SLC10A7: variants seen among roughly 807,000 people sequenced by gnomAD.
SLC10A7 encodes sodium/bile acid cotransporter 7.
Under a neutral mutation model 43.2 loss-of-function variants are expected in SLC10A7, and 29 were observed. The observed-to-expected ratio is 0.67, with a 90% CI of 0.50 to 0.92. SLC10A7 has a LOEUF of 0.92. Among genes scored for constraint, SLC10A7 ranks in the 40% least tolerant of loss-of-function variants. The pLI is 0.00. For missense variants in SLC10A7, 295 were observed against 403.2 expected, an observed-to-expected ratio of 0.73 and a Z score of 2.30; for synonymous variants, 152 against 144.8, an observed-to-expected ratio of 1.05 and a Z score of -0.35.
intron 5 of SLC10A7, among the ~76,000 whole-genome samples, chr4:146,426,092 C>T (rs1035439432): frequency 1.3e-5 from 2 of 152,172 alleles, no homozygotes; most frequent in Non-Finnish European, 2.9e-5. Context: ...TAATGTGAGT[C>T]TATTCCTGCA....
At chr4:146,326,160 A>G (rs573868642) in intron 5 of SLC10A7, among the ~76,000 whole-genome samples, 164 bp from the exon 6 acceptor site, 3 of 152,336 alleles carry the variant, frequency 2.0e-5, no homozygotes, top group East Asian at 1.9e-4. Context: ...TTTCTCTTCC[A>G]TAATAACATC....
intron 4 of SLC10A7, among the ~76,000 whole-genome samples, chr4:146,465,755 G>A (rs1194853637): frequency 6.6e-6 from 1 of 152,124 alleles, no homozygotes; most frequent in Non-Finnish European, 1.5e-5. Flanking sequence ...CTCTGTGGCT[G>A]CTTCCAACCC....
chr4:146,334,959 A>G (rs1048014277), intron 5 of SLC10A7, among the ~76,000 whole-genome samples: 2 of 151,954 alleles, frequency 1.3e-5, no homozygotes, highest in Non-Finnish European at 2.9e-5. Flanking sequence ...GAAAGAGTCT[A>G]AGTTGGTGAA....
At chr4:146,442,753 TAATAGAC>T in intron 5 of SLC10A7, 23 bp downstream of exon 5, 2 of 1,600,348 alleles carry the variant, frequency 1.2e-6, no homozygotes, top group Non-Finnish European at 1.7e-6. Flanking sequence ...GCAAAAGTTG[TAATAGAC>T]AAGTTAAACT....
chr4:146,509,873 C>T (rs1441728260), intron 3 of SLC10A7, 40 bp downstream of exon 3: 2 of 1,580,818 alleles, frequency 1.3e-6, no homozygotes, highest in Non-Finnish European at 1.7e-6. Context: ...CTAGAGATGC[C>T]CCATTAAAAG....
chr4:146,468,740 G>A (rs1371868024), intron 4 of SLC10A7, among the ~76,000 whole-genome samples: 4 of 152,080 alleles, frequency 2.6e-5, no homozygotes, highest in Non-Finnish European at 4.4e-5. Context: ...GGGATTACAG[G>A]CGTGAGCCAC....
intron 7 of SLC10A7, among the ~76,000 whole-genome samples, chr4:146,295,328 G>A (rs942319139): frequency 6.6e-6 from 1 of 152,056 alleles, no homozygotes; most frequent in African/African-American, 2.4e-5. Flanking sequence ...TAAATGGAAA[G>A]TGTGTTAGAT....
intron 5 of SLC10A7, among the ~76,000 whole-genome samples, chr4:146,390,102 C>G (rs1579064921): frequency 6.6e-6 from 1 of 152,260 alleles, no homozygotes; most frequent in Admixed American, 6.5e-5. Flanking sequence ...CATCTAGATT[C>G]TGCTATTTGA....
intron 5 of SLC10A7, among the ~76,000 whole-genome samples, chr4:146,431,759 C>T (rs1729793242): frequency 6.6e-6 from 1 of 151,286 alleles, no homozygotes; most frequent in African/African-American, 2.4e-5. Context: ...ATACAAAAAG[C>T]CTGAGTCATA....
intron 1 of SLC10A7, among the ~76,000 whole-genome samples, chr4:146,518,395 G>A (rs555658188): frequency 2.2e-4 from 33 of 152,150 alleles, no homozygotes; most frequent in African/African-American, 7.7e-4. Flanking sequence ...AAACATCTTG[G>A]AAGGCATAGA....
intron 10 of SLC10A7, among the ~76,000 whole-genome samples, chr4:146,271,942 C>T (rs1728925014): frequency 6.6e-6 from 1 of 152,156 alleles, no homozygotes; most frequent in South Asian, 2.1e-4. Flanking sequence ...TCATCTCCAC[C>T]CTGGCATTCC....
At chr4:146,325,528 C>T (rs1193509152) in intron 6 of SLC10A7, among the ~76,000 whole-genome samples, 2 of 152,174 alleles carry the variant, frequency 1.3e-5, no homozygotes, top group Non-Finnish European at 2.9e-5. Context: ...AGGCAGCCTT[C>T]CCCAAGGTGA....
At chr4:146,338,943 A>G (rs1428125279) in intron 5 of SLC10A7, among the ~76,000 whole-genome samples, 6 of 152,090 alleles carry the variant, frequency 3.9e-5, no homozygotes, top group African/African-American at 1.4e-4. Flanking sequence ...TGAATTACCA[A>G]CAAGACTATG....
intron 5 of SLC10A7, among the ~76,000 whole-genome samples, chr4:146,335,371 A>C (rs1281966306): frequency 2.6e-5 from 4 of 151,718 alleles, no homozygotes; most frequent in Non-Finnish European, 5.9e-5. Flanking sequence ...CTTGTCCCCA[A>C]GTCAAGCAGG....
intron 5 of SLC10A7, among the ~76,000 whole-genome samples, chr4:146,335,251 T>TAAAAAAAAAAAAAAAAAAAAAA (rs34522588): frequency 3.2e-5 from 3 of 92,640 alleles, no homozygotes; most frequent in African/African-American, 1.3e-4. Flanking sequence ...ACAGATGTTG[T>TAAAAAAAAAAAAAAAAAAAAAA]AAAAAAAAAA....
In SLC10A7 at chr4:146,321,836, C is replaced by T. The variant is rs78176056; in HGVS notation, c.471+4125G>A. On this transcript the variant is annotated intron_variant, in intron 6 of 11. Coordinates refer to ENST00000335472, the MANE Select transcript of SLC10A7 (RefSeq NM_001029998.6). ...CTCATTATTTGCTCAGTAAATGAGG[C>T]CTCGTAACCCAAATGCTTAAGACAT... is the stretch of plus-strand genomic sequence containing the variant. Among the ~76,000 whole-genome samples, 1,022 of 152,166 alleles carry T rather than the reference C, an allele frequency of 6.7e-3. 13 individuals are homozygous for T. The highest frequency in any genetic ancestry group is 0.023 in the African/African-American group (966 of 41,526).
At chr4:146,264,058 G>A (rs909646386) in intron 10 of SLC10A7, among the ~76,000 whole-genome samples, 16 of 152,166 alleles carry the variant, frequency 1.1e-4, no homozygotes, top group African/African-American at 3.6e-4. Context: ...TATTCCATAA[G>A]CAGAGCTTTC....
chr4:146,350,304 G>A (rs1421740977), intron 5 of SLC10A7, among the ~76,000 whole-genome samples: 2 of 151,584 alleles, frequency 1.3e-5, no homozygotes, highest in Non-Finnish European at 2.9e-5. Flanking sequence ...ACTCCCACCC[G>A]AATATTGCGC....
chr4:146,286,554 C>CTGTGTTTGGAGTGGTGAGGGCT (rs1578788022), intron 9 of SLC10A7, among the ~76,000 whole-genome samples: 15 of 134,338 alleles, frequency 1.1e-4, no homozygotes, highest in Admixed American at 1.5e-4. Context: ...GTGAGAAGGA[C>CTGTGTTTGGAGTGGTGAGGGCT]TGTGTTTCGA....
Sources: gnomAD v4.1 joint callset for allele counts (sites outside exome capture counted in the v4.1 genomes callset) on GRCh38, gnomAD v4.1.1 for gene constraint, MANE v1.5 for transcripts, NCBI Gene and HGNC (gene_info 2026-07-23, HGNC 2026-07-21) for gene names.